RAB15: variants seen among roughly 807,000 people sequenced by gnomAD.
The protein encoded by RAB15 is ras-related protein Rab-15.
A neutral mutation model predicts 31.8 loss-of-function variants in RAB15; 13 were observed. The observed-to-expected ratio is 0.41, with a 90% CI of 0.27 to 0.65. The LOEUF (loss-of-function observed/expected upper bound fraction) is 0.65, where lower values mean the gene tolerates loss of function less well. RAB15 is among the 30% of genes least tolerant of loss of function. The pLI is 0.32. For synonymous variants in RAB15, 100 were observed against 105.6 expected (o/e 0.95, Z 0.33); for missense variants, 220 against 277.3 (o/e 0.79, Z 1.47).
Position 64,964,509 on chromosome 14 carries a change from ACT to A in RAB15, c.124+7442_124+7443del, listed in dbSNP as rs1054096163. 4.2e-5 allele frequency among the ~76,000 whole-genome samples: 6 copies of A among 142,712 alleles called. 1 individual carries two copies. The highest frequency in any genetic ancestry group is 1.3e-4 in the African/African-American group (5 of 37,414). The allele number at this position is 142,712 out of a possible 152,430, so 93.6% of individuals were successfully genotyped here. A position where few individuals can be genotyped will look rare whatever the true frequency, so the allele number is the denominator to read the frequency against. ...CAATCCAGCCTGGTGACAGAGCAAG[ACT>A]CTGTTTCAAAAAAAAAAAAGAAAAA... On this transcript the variant is annotated intron_variant, in intron 1 of 6. Transcript: ENST00000533601.
chr14:64,961,735 C>T (rs1245104850), intron 1 of RAB15, among the ~76,000 whole-genome samples: 1 of 152,060 alleles, frequency 6.6e-6, no homozygotes, highest in Non-Finnish European at 1.5e-5. Context: ...ATAGTGAGAC[C>T]ATGTCTCTGC....
rs888845751 is a variant in RAB15, at chr14:64,968,194, A to G, written c.124+3759T>C. 6.6e-6 allele frequency among the ~76,000 whole-genome samples: 1 copy of G among 152,188 alleles called. No individual in the cohort carries two copies. Among genetic ancestry groups the G allele is most frequent in the Admixed American group, 6.5e-5 (1 of 15,272 alleles). On this transcript the variant is annotated intron_variant, in intron 1 of 6. Coordinates refer to ENST00000533601, the MANE Select transcript of RAB15 (RefSeq NM_001308154.2). This position sits in a 1 kb window ranked among gnomAD's most constrained non-coding sequence, Gnocchi z 4.9. Reference sequence around the variant, plus strand: ...TTATAATTTGGGAGACAGAGAGAGAAACAGAAGAATCTTCTCACTTTCCTG... The same window carrying G: ...TTATAATTTGGGAGACAGAGAGAGAGACAGAAGAATCTTCTCACTTTCCTG...
In RAB15 at chr14:64,951,382, T is replaced by C. The variant is rs1461916517; in HGVS notation, c.246+221A>G. Among the ~76,000 whole-genome samples the C allele has an allele frequency of 6.6e-6, 1 of 152,114 alleles. No individual in the cohort carries two copies. Among genetic ancestry groups the C allele is most frequent in the East Asian group, 1.9e-4 (1 of 5,164 alleles). The stretch of plus-strand genomic sequence containing the variant: ...TTTGACCTGGATCTTTGACCCAGGA[T>C]GGAGGGTGGAAGTCAGGGGTGAGGG... On this transcript the variant is annotated intron_variant, in intron 3 of 6. Transcript: ENST00000533601. This position sits in a 1 kb window ranked among gnomAD's most constrained non-coding sequence, Gnocchi z 7.2.
Position 64,946,030 on chromosome 14 carries a change from G to C in RAB15, c.*2324C>G, listed in dbSNP as rs3087955. The C allele has an allele frequency of 0.51, 77,609 of 152,370 alleles. 23,158 individuals carry two copies. Among genetic ancestry groups the C allele is most frequent in the African/African-American group, 0.83 (34,314 of 41,462 alleles). The allele number at this position is 152,370 out of a possible 1,614,324, so 9.4% of individuals were successfully genotyped here. A position where few individuals can be genotyped will look rare whatever the true frequency, so the allele number is the denominator to read the frequency against. ...CGAGTAAACAGGCCAGCAGAGCCTG[G>C]TTAACAGTCTGGGCCTCAAGACATG... On this transcript the variant is annotated 3_prime_UTR_variant, in exon 7 of 7. Transcript: ENST00000533601.
rs977154019 is a variant in RAB15 at position 64,955,207 on chromosome 14, C to A, written c.125-2636G>T. Among the ~76,000 whole-genome samples, 2 of 152,144 alleles carry A rather than the reference C, an allele frequency of 1.3e-5. No homozygotes were observed. Among genetic ancestry groups the A allele is most frequent in the African/African-American group, 4.8e-5 (2 of 41,410 alleles). On this transcript the variant is annotated intron_variant, in intron 1 of 6. Transcript: ENST00000533601. The surrounding 1 kb of genome is among the most constrained non-coding windows in gnomAD (Gnocchi z 4.4). The stretch of plus-strand genomic sequence containing the variant: ...ATATGATGGAAGAAACAGAGTAAGT[C>A]TATGTCTTCTGAAGGATTTTCCTTC...
chr14:64,950,324 C>A lies in RAB15; in HGVS notation c.414+1G>T. The A allele has an allele frequency of 6.2e-7, 1 of 1,613,720 alleles. No homozygotes were observed. The highest frequency in any genetic ancestry group is 8.5e-7 in the Non-Finnish European group (1 of 1,179,626). ...TGGACTTGCCTTTTCCCTCCACTTA[C>A]CTGCTGCCCTTGCTCTCTTCCCACC... On this transcript the variant is annotated splice_donor_variant, in intron 5 of 6. Transcript: ENST00000533601. LOFTEE classifies it high-confidence loss of function. This position sits in a 1 kb window ranked among gnomAD's most constrained non-coding sequence, Gnocchi z 5.6.
Position 64,965,749 on chromosome 14 carries a change from G to A in RAB15, c.124+6204C>T, listed in dbSNP as rs529392377. ...ATAAAGCTCATCACCAGCCTGTCTG[G>A]GGAGCGGGGAGAAGGAAGGAGGAGG... On this transcript the variant is annotated intron_variant, in intron 1 of 6. Transcript: ENST00000533601. Among the ~76,000 whole-genome samples, 3 of 152,296 alleles carry A rather than the reference G, an allele frequency of 2.0e-5. No individual in the cohort carries two copies. The East Asian group carries it at 5.8e-4, about 29-fold the overall frequency.
In RAB15 at chr14:64,962,236, AAAC is replaced by A. The variant is rs1322957153; in HGVS notation, c.125-9668_125-9666del. Among the ~76,000 whole-genome samples, 1 of 152,170 alleles carries A rather than the reference AAAC, an allele frequency of 6.6e-6. No individual in the cohort carries two copies. The highest frequency in any genetic ancestry group is 1.5e-5 in the Non-Finnish European group (1 of 68,028). ...TCTCAAAAAACAAAACAAAACAAAC[AAAC>A]AAAAAACAGTCCCAAGAAACCAATA... On this transcript the variant is annotated intron_variant, in intron 1 of 6. Transcript: ENST00000533601. The surrounding 1 kb of genome is among the most constrained non-coding windows in gnomAD (Gnocchi z 4.2).
In RAB15 at chr14:64,970,518, T is replaced by A. The variant is rs1045745294; in HGVS notation, c.124+1435A>T. ...ACAAGTTCTGTTCCCTGACCCTAAG[T>A]CCTGTTGTTTCACCCTTCAAGTTGG... On this transcript the variant is annotated intron_variant, in intron 1 of 6. Coordinates refer to ENST00000533601, the MANE Select transcript of RAB15 (RefSeq NM_001308154.2). The surrounding 1 kb of genome is among the most constrained non-coding windows in gnomAD (Gnocchi z 4.1). 1.3e-5 allele frequency among the ~76,000 whole-genome samples: 2 copies of A among 152,176 alleles called. No individual in the cohort carries two copies. The highest frequency in any genetic ancestry group is 4.8e-5 in the African/African-American group (2 of 41,436).
Position 64,951,250 on chromosome 14 carries a change from C to T in RAB15, c.247-99G>A. On this transcript the variant is annotated intron_variant, in intron 3 of 6. Transcript: ENST00000533601. This position sits in a 1 kb window ranked among gnomAD's most constrained non-coding sequence, Gnocchi z 7.2. ...AAACTTAAAGGTTGGGTCCCACTCTCCCATTCTCCCTGCTCAGCATCCAGA... is the reference window on the plus strand; with the variant it reads ...AAACTTAAAGGTTGGGTCCCACTCTTCCATTCTCCCTGCTCAGCATCCAGA... 2.1e-6 allele frequency: 2 copies of T among 932,382 alleles called. No individual in the cohort carries two copies. The highest frequency in any genetic ancestry group is 3.3e-6 in the Non-Finnish European group (2 of 599,962). The allele number at this position is 932,382 out of a possible 1,614,324, so 57.8% of individuals were successfully genotyped here.
Position 64,951,027 on chromosome 14 carries a change from G to A in RAB15, c.324+47C>T, listed in dbSNP as rs150501648. The A allele has an allele frequency of 1.2e-3, 1,911 of 1,613,568 alleles. 1 individual carries two copies. Among genetic ancestry groups the A allele is most frequent in the South Asian group, 1.4e-3 (129 of 91,070 alleles). ...ATCTGGCCCTCGCCTTGCCTTCCCC[G>A]GTGAGGCACCCTCTCCACACCCCGG... On this transcript the variant is annotated intron_variant, in intron 4 of 6. Transcript: ENST00000533601. This position sits in a 1 kb window ranked among gnomAD's most constrained non-coding sequence, Gnocchi z 7.2.
At chr14:64,966,551 A>AT (rs1388650674) in intron 1 of RAB15, among the ~76,000 whole-genome samples, 1 of 151,942 alleles carries the variant, frequency 6.6e-6, no homozygotes, top group African/African-American at 2.4e-5. Flanking sequence ...AAATAAATAA[A>AT]ATAATAATAA....
At chr14:64,957,942 G>A (rs1200581565) in intron 1 of RAB15, 3 of 152,080 alleles carry the variant, frequency 2.0e-5, no homozygotes, top group Non-Finnish European at 2.9e-5. Context: ...TGGCATACCT[G>A]ATGCCTTTTC....
Position 64,953,984 on chromosome 14 carries a change from C to T in RAB15, c.125-1413G>A. 1.0e-6 allele frequency: 1 copy of T among 985,412 alleles called. No homozygotes were observed. Among genetic ancestry groups the T allele is most frequent in the South Asian group, 4.7e-5 (1 of 21,284 alleles). 61.0% of individuals were successfully genotyped at this position (985,412 alleles called of 1,614,324 possible). On this transcript the variant is annotated intron_variant, in intron 1 of 6. Transcript: ENST00000533601. This position sits in a 1 kb window ranked among gnomAD's most constrained non-coding sequence, Gnocchi z 4.6. ...TATTTGCCAAATGGGAGACATCTTC[C>T]CTTATCTGTGCTGTCCCCAGCTTTC... is the stretch of plus-strand genomic sequence containing the variant.
rs1887425006 is a variant in RAB15 at position 64,971,666 on chromosome 14, C to G, written c.124+287G>C. 2.2e-6 allele frequency: 1 copy of G among 459,026 alleles called. No individual in the cohort carries two copies. Among genetic ancestry groups the G allele is most frequent in the East Asian group, 4.2e-5 (1 of 23,560 alleles). 28.4% of individuals were successfully genotyped at this position (459,026 alleles called of 1,614,324 possible). On this transcript the variant is annotated intron_variant, in intron 1 of 6. Coordinates refer to ENST00000533601, the MANE Select transcript of RAB15 (RefSeq NM_001308154.2). The surrounding 1 kb of genome is among the most constrained non-coding windows in gnomAD (Gnocchi z 4.1). ...ATTCTTGCTACCCCAGCTCGGGGTA[C>G]CCAGGCCTACACCAGCTCCCCTCAC...
Position 64,962,753 on chromosome 14 carries a change from AC to A in RAB15, c.124+9199del, listed in dbSNP as rs960342127. Among the ~76,000 whole-genome samples the A allele has an allele frequency of 2.3e-4, 35 of 152,300 alleles. No homozygotes were observed. Among genetic ancestry groups the A allele is most frequent in the African/African-American group, 7.9e-4 (33 of 41,554 alleles). Reference sequence around the variant, plus strand: ...GGTCAACAGTACTCTCTCCTTTGTTACAAAAGGGGAACTGCAGCAAGACCCC... The same window carrying A: ...GGTCAACAGTACTCTCTCCTTTGTTAAAAAGGGGAACTGCAGCAAGACCCC... On this transcript the variant is annotated intron_variant, in intron 1 of 6. Coordinates refer to ENST00000533601, the MANE Select transcript of RAB15 (RefSeq NM_001308154.2). This position sits in a 1 kb window ranked among gnomAD's most constrained non-coding sequence, Gnocchi z 4.2.
In RAB15 at chr14:64,953,788, G is replaced by T. The variant is rs767854783; in HGVS notation, c.125-1217C>A. 3.2e-5 allele frequency: 32 copies of T among 985,170 alleles called. No homozygotes were observed. Among genetic ancestry groups the T allele is most frequent in the Non-Finnish European group, 3.7e-5 (31 of 829,816 alleles). 61.0% of individuals were successfully genotyped at this position (985,170 alleles called of 1,614,324 possible). A position where few individuals can be genotyped will look rare whatever the true frequency, so the allele number is the denominator to read the frequency against. ...CGTCTGGTGGGTTAATTAAGCTTAC[G>T]TCTTTGTGTACTCCCTGGAGCAAGG... On this transcript the variant is annotated intron_variant, in intron 1 of 6. Transcript: ENST00000533601. This position sits in a 1 kb window ranked among gnomAD's most constrained non-coding sequence, Gnocchi z 4.6.
intron 1 of RAB15, among the ~76,000 whole-genome samples, chr14:64,965,885 C>T (rs536347817): frequency 2.0e-5 from 3 of 152,034 alleles, no homozygotes; most frequent in Non-Finnish European, 2.9e-5. Context: ...AAACCCTCCG[C>T]GGGCTTCAGA....
rs1217395876 is a variant in RAB15 at position 64,954,622 on chromosome 14, C to T, written c.125-2051G>A. The T allele has an allele frequency of 4.0e-6, 3 of 750,596 alleles. No individual in the cohort carries two copies. Among genetic ancestry groups the T allele is most frequent in the African/African-American group, 1.9e-5 (1 of 52,530 alleles). The allele number at this position is 750,596 out of a possible 1,614,324, so 46.5% of individuals were successfully genotyped here. A position where few individuals can be genotyped will look rare whatever the true frequency, so the allele number is the denominator to read the frequency against. ...ACAGAGCAGTGAAAAAGACATGGCCCCTGCCCTCAGAGAGCCTAGTGGAAA... is the reference window on the plus strand; with the variant it reads ...ACAGAGCAGTGAAAAAGACATGGCCTCTGCCCTCAGAGAGCCTAGTGGAAA... On this transcript the variant is annotated intron_variant, in intron 1 of 6. Coordinates refer to ENST00000533601, the MANE Select transcript of RAB15 (RefSeq NM_001308154.2). The surrounding 1 kb of genome is among the most constrained non-coding windows in gnomAD (Gnocchi z 4.3).
Sources: gnomAD v4.1 joint callset for allele counts (sites outside exome capture counted in the v4.1 genomes callset) on GRCh38, gnomAD v4.1.1 for gene constraint, Gnocchi (gnomAD v3.1) non-coding constraint, MANE v1.5 for transcripts, NCBI Gene and HGNC (gene_info 2026-07-23, HGNC 2026-07-21) for gene names.